Variants in CPPED1 observed in about 807,000 individuals in gnomAD.
CPPED1 encodes the protein serine/threonine-protein phosphatase CPPED1.
CPPED1 carries 28 observed loss-of-function variants against 28.0 expected under a neutral mutation model. The ratio of observed to expected loss-of-function variants is 1.00; its 90% CI spans 0.74 to 1.37. CPPED1 has a LOEUF of 1.37. Among genes scored for constraint, CPPED1 ranks in the 40% most tolerant of loss-of-function variants. The probability of loss-of-function intolerance (pLI) is 0.00; values close to 1 mark genes in which losing one functional copy is unlikely to be tolerated. For synonymous variants in CPPED1, 198 were observed against 180.2 expected, an observed-to-expected ratio of 1.10 and a Z score of -0.79; for missense variants, 504 against 416.5, an observed-to-expected ratio of 1.21 and a Z score of -1.83.
chr16:12,668,575 T>C (rs1167593309), intron 3 of CPPED1, among the ~76,000 whole-genome samples: 1 of 152,138 alleles, frequency 6.6e-6, no homozygotes, highest in African/African-American at 2.4e-5. Context: ...GGCAAAAATA[T>C]TTGCAAATCA....
At chr16:12,759,857 C>T (rs2141225803) in intron 2 of CPPED1, among the ~76,000 whole-genome samples, 1 of 152,312 alleles carries the variant, frequency 6.6e-6, no homozygotes, top group South Asian at 2.1e-4. Context: ...GACAATTAAA[C>T]CCGTATCAGG....
At chr16:12,735,142 C>A (rs1240378285) in intron 2 of CPPED1, among the ~76,000 whole-genome samples, 1 of 152,172 alleles carries the variant, frequency 6.6e-6, no homozygotes, top group Non-Finnish European at 1.5e-5. Context: ...ATATCGGGTA[C>A]AAATTCCCTT....
intron 1 of CPPED1, among the ~76,000 whole-genome samples, chr16:12,789,582 G>A (rs1438263804): frequency 6.6e-6 from 1 of 152,150 alleles, no homozygotes; most frequent in East Asian, 1.9e-4. Context: ...TTGGAGTGCA[G>A]TGGCATGACC....
At position 12,697,641 on chromosome 16, in the gene CPPED1, T is replaced by C. The variant is rs953494035; in HGVS notation, c.715+6983A>G. Among the ~76,000 whole-genome samples, 4 of 152,184 alleles carry C rather than the reference T, an allele frequency of 2.6e-5. No homozygotes were observed. The East Asian group carries it at 7.7e-4, about 29-fold the overall frequency. On this transcript the variant is annotated intron_variant, in intron 3 of 3. Coordinates refer to ENST00000381774, the MANE Select transcript of CPPED1 (RefSeq NM_018340.3). ...ATCACCGGCAGGCCTACCACCTGTT[T>C]CTGGAAATAAAGTTTTATTGGAACA...
intron 3 of CPPED1, among the ~76,000 whole-genome samples, chr16:12,687,966 G>A (rs2079941793): frequency 6.6e-6 from 1 of 150,778 alleles, no homozygotes; most frequent in Admixed American, 6.6e-5. Context: ...GAAGGAAGAA[G>A]AAGGAGGAAT....
intron 3 of CPPED1, among the ~76,000 whole-genome samples, chr16:12,671,116 G>C (rs2079850798): frequency 6.6e-6 from 1 of 152,174 alleles, no homozygotes; most frequent in Non-Finnish European, 1.5e-5. Context: ...CTCCCGAAGT[G>C]CTGGGATTAC....
chr16:12,750,999 C>A (rs79290057), intron 2 of CPPED1, among the ~76,000 whole-genome samples: 3,273 of 148,508 alleles, frequency 0.022, 83 homozygotes, highest in East Asian at 0.13. Flanking sequence ...CAAACAACAA[C>A]AACAAAAAAA....
At chr16:12,708,330 C>T (rs2080062469) in intron 2 of CPPED1, among the ~76,000 whole-genome samples, 1 of 152,072 alleles carries the variant, frequency 6.6e-6, no homozygotes, top group Non-Finnish European at 1.5e-5. Context: ...CCCTTGGTTC[C>T]TCTGAGTCTT....
chr16:12,803,538 C>A (rs3748979), intron 1 of CPPED1, among the ~76,000 whole-genome samples, 169 bp downstream of exon 1: 43,403 of 152,116 alleles, frequency 0.29, 8,132 homozygotes, highest in African/African-American at 0.52. Context: ...CTCAACTGCG[C>A]CCCTGGAATC....
At chr16:12,747,468 T>TA in intron 2 of CPPED1, among the ~76,000 whole-genome samples, 1 of 150,288 alleles carries the variant, frequency 6.7e-6, no homozygotes, top group Non-Finnish European at 1.5e-5. Flanking sequence ...AATAAATAAA[T>TA]AATCACATTC....
chr16:12,774,788 T>C (rs1324891580), intron 2 of CPPED1, among the ~76,000 whole-genome samples: 2 of 152,022 alleles, frequency 1.3e-5, no homozygotes, highest in African/African-American at 4.8e-5. Context: ...TGGGTTATCA[T>C]GAGAGTGGGA....
chr16:12,744,780 A>G (rs2141213140), intron 2 of CPPED1, among the ~76,000 whole-genome samples: 2 of 152,302 alleles, frequency 1.3e-5, no homozygotes, highest in African/African-American at 4.8e-5. Context: ...CACAAGTTCA[A>G]GACCAGCCTC....
At chr16:12,744,297 AAAGC>A (rs1167597052) in intron 2 of CPPED1, among the ~76,000 whole-genome samples, 1,647 of 130,240 alleles carry the variant, frequency 0.013, 19 homozygotes, top group Non-Finnish European at 0.019. Flanking sequence ...AGAGAGAGAG[AAAGC>A]AAGCAAGCAA....
chr16:12,753,510 C>A (rs1412987617), intron 2 of CPPED1: 1 of 152,290 alleles, frequency 6.6e-6, no homozygotes, highest in Non-Finnish European at 1.5e-5. Flanking sequence ...AGTCACTGAT[C>A]GCCACCCTTC....
intron 2 of CPPED1, among the ~76,000 whole-genome samples, chr16:12,712,016 C>T (rs929138481): frequency 2.6e-5 from 4 of 152,126 alleles, no homozygotes; most frequent in Non-Finnish European, 4.4e-5. Flanking sequence ...CCCCCAGTGC[C>T]GCTGCTACTG....
intron 2 of CPPED1, among the ~76,000 whole-genome samples, chr16:12,771,370 A>G (rs1413598437): frequency 6.6e-6 from 1 of 152,254 alleles, no homozygotes; most frequent in East Asian, 1.9e-4. Flanking sequence ...CTTGCTAAAG[A>G]TCACGGGAAA....
chr16:12,687,441 G>A (rs113048056), intron 3 of CPPED1, among the ~76,000 whole-genome samples: 1 of 152,078 alleles, frequency 6.6e-6, no homozygotes, highest in Non-Finnish European at 1.5e-5. Flanking sequence ...ATAGGGCTTG[G>A]CCAGGGATTT....
intron 3 of CPPED1, among the ~76,000 whole-genome samples, chr16:12,683,167 C>A (rs2079914620): frequency 6.6e-6 from 1 of 152,172 alleles, no homozygotes; most frequent in Non-Finnish European, 1.5e-5. Context: ...AACGTAAGGA[C>A]CTTGGGTAAG....
At chr16:12,685,511 T>C (rs1286073996) in intron 3 of CPPED1, among the ~76,000 whole-genome samples, 1 of 152,330 alleles carries the variant, frequency 6.6e-6, no homozygotes, top group East Asian at 1.9e-4. Context: ...ACGAGGCTGT[T>C]AGGAGTTTCA....
Sources: allele counts gnomAD v4.1 joint callset (sites outside exome capture counted in the v4.1 genomes callset), GRCh38; gene constraint gnomAD v4.1.1; transcripts MANE v1.5; gene names NCBI Gene and HGNC (gene_info 2026-07-23, HGNC 2026-07-21).